ANKS1B: variants seen among roughly 807,000 people sequenced by gnomAD.
ANKS1B encodes the protein ankyrin repeat and sterile alpha motif domain-containing protein 1B.
ANKS1B carries 36 observed loss-of-function variants against 148.3 expected under a neutral mutation model. The observed-to-expected ratio is 0.24, with a 90% confidence interval of 0.19 to 0.32. The LOEUF (loss-of-function observed/expected upper bound fraction) is 0.32. Ranked by LOEUF, ANKS1B falls within the 10% of genes least tolerant of loss-of-function variation. The probability of loss-of-function intolerance (pLI) is 1.00; values close to 1 mark genes in which losing one functional copy is unlikely to be tolerated. For synonymous variants in ANKS1B, 542 were observed against 560.8 expected (o/e 0.97, Z 0.47); for missense variants, 1,157 against 1,542.6 (o/e 0.75, Z 4.19).
chr12:99,333,333 C>T (rs2087960045), intron 12 of ANKS1B, among the ~76,000 whole-genome samples: 1 of 152,076 alleles, frequency 6.6e-6, no homozygotes, highest in African/African-American at 2.4e-5. Flanking sequence ...AACCTGATGA[C>T]TCTGAGAATA....
chr12:99,443,607 G>A (rs2095586411), intron 11 of ANKS1B, 66 bp downstream of exon 11: 25 of 1,524,766 alleles, frequency 1.6e-5, no homozygotes, highest in Non-Finnish European at 1.8e-5. Context: ...CAATATAAGT[G>A]ATGTACATGC....
chr12:99,781,932 T>G (rs2064372311), intron 5 of ANKS1B, 90 bp downstream of exon 5: 1 of 1,113,276 alleles, frequency 9.0e-7, no homozygotes. Flanking sequence ...GGGTGATTTG[T>G]GAAGAAAACT....
chr12:99,571,391 A>T, intron 9 of ANKS1B, among the ~76,000 whole-genome samples: 1 of 151,990 alleles, frequency 6.6e-6, no homozygotes, highest in East Asian at 1.9e-4. Context: ...ATTTATACAT[A>T]ATGATTAAGA....
chr12:98,951,192 T>C lies in ANKS1B; in HGVS notation c.2778+101965A>G, dbSNP rs540959044. ...CCTGGAGCTGGTTCACAGCTTTTTATCCTGGCCAGTCTTCCTGGCTTTAGT... is the reference window on the plus strand; with the variant it reads ...CCTGGAGCTGGTTCACAGCTTTTTACCCTGGCCAGTCTTCCTGGCTTTAGT... On this transcript the variant is annotated intron_variant, in intron 17 of 26. Coordinates refer to ENST00000683438, the MANE Select transcript of ANKS1B (RefSeq NM_001352186.2). Among the ~76,000 whole-genome samples the C allele has an allele frequency of 2.0e-3, 301 of 152,338 alleles. 1 individual carries two copies. Among genetic ancestry groups the C allele is most frequent in the African/African-American group, 7.0e-3 (289 of 41,582 alleles).
intron 17 of ANKS1B, among the ~76,000 whole-genome samples, chr12:98,979,519 C>A (rs1323660432): frequency 6.6e-6 from 1 of 152,104 alleles, no homozygotes; most frequent in Middle Eastern, 3.2e-3. Flanking sequence ...GATCCACCCG[C>A]CTCGGCCTCC....
rs193035034 is a variant in ANKS1B at position 99,892,977 on chromosome 12, C to G, written c.135-67588G>C. Among the ~76,000 whole-genome samples, 194 of 152,260 alleles carry G rather than the reference C, an allele frequency of 1.3e-3. 4 individuals carry two copies. Among genetic ancestry groups the G allele is most frequent in the Non-Finnish European group, 3.8e-4 (26 of 68,012 alleles). Reference sequence around the variant, plus strand: ...AAGATGCTGACATTAGAGGACCCCCCACCATGTCTGCTCACTCCACAGTAA... The same window carrying G: ...AAGATGCTGACATTAGAGGACCCCCGACCATGTCTGCTCACTCCACAGTAA... On this transcript the variant is annotated intron_variant, in intron 1 of 26. Transcript: ENST00000683438.
chr12:98,989,815 C>T (rs2099925470), intron 17 of ANKS1B, among the ~76,000 whole-genome samples: 1 of 151,738 alleles, frequency 6.6e-6, no homozygotes, highest in Non-Finnish European at 1.5e-5. Flanking sequence ...ATCCTTTGAG[C>T]CCAGGAGTTC....
At chr12:99,581,904 AAAAAAAAAAAAG>A (rs2097574200) in intron 9 of ANKS1B, among the ~76,000 whole-genome samples, 1 of 150,790 alleles carries the variant, frequency 6.6e-6, no homozygotes, top group African/African-American at 2.4e-5. Context: ...TCTCAAAAAA[AAAAAAAAAAAAG>A]AAAAAAGAAA....
chr12:99,103,569 A>G (rs891360575), intron 15 of ANKS1B, among the ~76,000 whole-genome samples: 1 of 152,214 alleles, frequency 6.6e-6, no homozygotes, highest in African/African-American at 2.4e-5. Flanking sequence ...TTATAAGCTA[A>G]TTTAAATACT....
rs182572320 is a variant in ANKS1B at position 98,738,508 on chromosome 12, G to A, written c.691-2874C>T. On this transcript the variant is annotated intron_variant, in intron 9 of 9. Coordinates refer to the ANKS1B transcript ENST00000341752. Reference sequence around the variant, plus strand: ...GTTCGCATTCATTCAAATGTTTATCGCCGCTCCACTCGAGGCACTGCCCAA... The same window carrying A: ...GTTCGCATTCATTCAAATGTTTATCACCGCTCCACTCGAGGCACTGCCCAA... 4.6e-4 allele frequency among the ~76,000 whole-genome samples: 70 copies of A among 152,238 alleles called. No homozygotes were observed. The East Asian group carries it at 7.7e-3, about 17-fold the overall frequency.
chr12:99,387,582 TG>T (rs1289950192), intron 12 of ANKS1B, among the ~76,000 whole-genome samples: 1 of 149,778 alleles, frequency 6.7e-6, no homozygotes, highest in Non-Finnish European at 1.5e-5. Context: ...GGCGACAGAG[TG>T]AGACTCTGTC....
intron 12 of ANKS1B, among the ~76,000 whole-genome samples, chr12:99,303,712 G>T (rs2081983454): frequency 6.6e-6 from 1 of 152,090 alleles, no homozygotes; most frequent in South Asian, 2.1e-4. Flanking sequence ...TGATTTCTGA[G>T]ATTTTGGTGC....
chr12:98,844,072 C>T (rs747252822), intron 17 of ANKS1B, among the ~76,000 whole-genome samples: 18 of 152,142 alleles, frequency 1.2e-4, no homozygotes, highest in Admixed American at 3.3e-4. Flanking sequence ...ATCCACACCA[C>T]CGAGGCACAG....
At chr12:98,967,833 C>T (rs2099879839) in intron 17 of ANKS1B, among the ~76,000 whole-genome samples, 1 of 151,518 alleles carries the variant, frequency 6.6e-6, no homozygotes, top group South Asian at 2.1e-4. Context: ...TGCCTGGAAG[C>T]CTGTCTAGGC....
At chr12:98,760,889 C>G (rs1191929928) in intron 25 of ANKS1B, among the ~76,000 whole-genome samples, 1 of 152,202 alleles carries the variant, frequency 6.6e-6, no homozygotes, top group Non-Finnish European at 1.5e-5. Flanking sequence ...TGCACGAAGT[C>G]AAACTGCCTA....
chr12:99,932,691 G>T (rs903256473), intron 1 of ANKS1B, among the ~76,000 whole-genome samples: 1 of 152,032 alleles, frequency 6.6e-6, no homozygotes, highest in Non-Finnish European at 1.5e-5. Flanking sequence ...TTGTCAGATG[G>T]ATAGTTTGCA....
At chr12:99,179,379 A>C (rs1462981886) in intron 14 of ANKS1B, among the ~76,000 whole-genome samples, 3 of 147,176 alleles carry the variant, frequency 2.0e-5, no homozygotes, top group Non-Finnish European at 3.0e-5. Context: ...CAGTGAGCCG[A>C]AATGGCACCA....
chr12:99,333,538 A>G (rs1213136150), intron 12 of ANKS1B, among the ~76,000 whole-genome samples: 5 of 151,846 alleles, frequency 3.3e-5, no homozygotes, highest in Non-Finnish European at 5.9e-5. Flanking sequence ...ACCAAGGAAA[A>G]AATCTCCTTC....
rs138333503 is a variant in ANKS1B at position 99,801,266 on chromosome 12, CAG to C, written c.669+5136_669+5137del. The stretch of plus-strand genomic sequence containing the variant: ...GGAGGAAGATAATAGACACGTGCAG[CAG>C]AGATTCCCAGGCTAACTTACAGCAT... On this transcript the variant is annotated intron_variant, in intron 4 of 26. Transcript: ENST00000683438. Among the ~76,000 whole-genome samples the C allele has an allele frequency of 9.0e-3, 1,378 of 152,268 alleles. 23 individuals are homozygous for C. Among genetic ancestry groups the C allele is most frequent in the African/African-American group, 0.031 (1,293 of 41,550 alleles).
Sources: allele counts gnomAD v4.1 joint callset (sites outside exome capture counted in the v4.1 genomes callset), GRCh38; gene constraint gnomAD v4.1.1; transcripts MANE v1.5; gene names NCBI Gene and HGNC (gene_info 2026-07-23, HGNC 2026-07-21).